Variants in ARHGEF18 observed in about 807,000 individuals in gnomAD.
ARHGEF18 encodes rho guanine nucleotide exchange factor 18.
A neutral mutation model predicts 155.7 loss-of-function variants in ARHGEF18; 93 were observed. The ratio of observed to expected loss-of-function variants is 0.60; its 90% confidence interval spans 0.50 to 0.71. The LOEUF (loss-of-function observed/expected upper bound fraction) is 0.71. Among genes scored for constraint, ARHGEF18 ranks in the 30% least tolerant of loss-of-function variants. The pLI, the probability that ARHGEF18 is intolerant of heterozygous loss-of-function variation, is 0.00. For synonymous variants in ARHGEF18, 742 were observed against 753.1 expected, an observed-to-expected ratio of 0.99 and a Z score of 0.24; for missense variants, 1,593 against 1,816.1, an observed-to-expected ratio of 0.88 and a Z score of 2.23.
At chr19:7,399,423 A>C (rs1220932855) in intron 10 of ARHGEF18, among the ~76,000 whole-genome samples, 1 of 151,936 alleles carries the variant, frequency 6.6e-6, no homozygotes, top group African/African-American at 2.4e-5. Context: ...CTGAGTATAG[A>C]GTTCTAGTCT....
chr19:7,407,545 C>G (rs1972391036), intron 10 of ARHGEF18, among the ~76,000 whole-genome samples: 1 of 152,068 alleles, frequency 6.6e-6, no homozygotes, highest in Non-Finnish European at 1.5e-5. Flanking sequence ...ATCCACTTTG[C>G]CACTCCTTTT....
intron 15 of ARHGEF18, among the ~76,000 whole-genome samples, chr19:7,448,480 T>A (rs1045588441): frequency 6.6e-6 from 1 of 152,058 alleles, no homozygotes; most frequent in Non-Finnish European, 1.5e-5. Flanking sequence ...GCTAACATGG[T>A]GAAACCTGGT....
chr19:7,368,141 T>C (rs1970027948), intron 2 of ARHGEF18, among the ~76,000 whole-genome samples: 2 of 151,860 alleles, frequency 1.3e-5, no homozygotes, highest in South Asian at 4.1e-4. Flanking sequence ...CATTATGCTT[T>C]GGTGTGTTAT....
intron 10 of ARHGEF18, among the ~76,000 whole-genome samples, chr19:7,403,082 C>T (rs534400322): frequency 2.6e-5 from 4 of 152,268 alleles, no homozygotes; most frequent in South Asian, 4.1e-4. Context: ...GGCGCGATCT[C>T]GGCTCACTGT....
rs1451862740 is a variant in ARHGEF18, at chr19:7,469,185, C to G, written c.3787+54C>G. The G allele has an allele frequency of 3.3e-6, 5 of 1,494,526 alleles. No homozygotes were observed. In the East Asian group the frequency reaches 9.8e-5, roughly 29 times the overall value. 92.6% of individuals were successfully genotyped at this position (1,494,526 alleles called of 1,614,324 possible). ...CCTGGAAGGTGCAACTGGTCAGGCT[C>G]TAGCGGCTCGCTGGGAGCCAGGAAA... On this transcript the variant is annotated intron_variant, in intron 27 of 28. Coordinates refer to ENST00000668164, the MANE Select transcript of ARHGEF18 (RefSeq NM_001367823.1).
rs7252672 is a variant in ARHGEF18 at position 7,446,766 on chromosome 19, G to A, written c.1612-277G>A. ...AAAAAAATTAGCCAGGCGTGGTGGC[G>A]GCACCTGTAATCCCAGCTACTTGGG... On this transcript the variant is annotated intron_variant, in intron 14 of 28. Transcript: ENST00000668164. Among the ~76,000 whole-genome samples the A allele has an allele frequency of 1.0e-3, 153 of 151,226 alleles. 1 individual carries two copies. Among genetic ancestry groups the A allele is most frequent in the African/African-American group, 3.1e-3 (129 of 41,154 alleles).
At position 7,468,882 on chromosome 19, in the gene ARHGEF18, G is replaced by A. The variant is rs531850239; in HGVS notation, c.3538G>A (p.Val1180Met). 4.5e-6 allele frequency: 7 copies of A among 1,572,962 alleles called. No homozygotes were observed. The East Asian group carries it at 7.1e-5, about 16-fold the overall frequency. Residue 1180 changes from valine to methionine, a missense_variant, in exon 27 of 29, where the codon GTG (valine) becomes ATG (methionine). By Grantham distance (21) the Val-to-Met change is conservative (BLOSUM62 1). Transcript: ENST00000668164. The part of the protein sequence containing the change: ...FNGEGLEGPR[V>M]SMLPSGVGPE... ...CGGGGAAGGGCTGGAGGGCCCTCGT[G>A]TGAGCATGCTGCCATCCGGCGTGGG... is the stretch of plus-strand genomic sequence containing the variant.
chr19:7,470,131 G>C lies in ARHGEF18; in HGVS notation c.3919G>C (p.Gly1307Arg). The C allele has an allele frequency of 6.2e-7, 1 of 1,612,188 alleles. No homozygotes were observed. The highest frequency in any genetic ancestry group is 2.2e-5 in the East Asian group (1 of 44,822). The change falls in exon 29 of 29, where the codon GGC becomes CGC. Residue 1307 changes from glycine to arginine, a missense_variant. Transcript: ENST00000668164. This position sits in a 1 kb window ranked among gnomAD's most constrained non-coding sequence, Gnocchi z 5.9. ...RHSPAPPPDPGFPAPSPPPAD... is the reference protein window; with the variant it reads ...RHSPAPPPDPRFPAPSPPPAD... ...GAACCCTCTCTCTGTTCCAGACCCT[G>C]GCTTCCCCGCCCCGAGCCCACCGCC...
At chr19:7,454,766 C>A (rs1975722242) in intron 17 of ARHGEF18, among the ~76,000 whole-genome samples, 1 of 152,154 alleles carries the variant, frequency 6.6e-6, no homozygotes, top group Non-Finnish European at 1.5e-5. Context: ...CCAATGGAAA[C>A]CCAGGGCATT....
intron 10 of ARHGEF18, among the ~76,000 whole-genome samples, chr19:7,404,424 C>T (rs900442575): frequency 2.0e-5 from 3 of 151,464 alleles, no homozygotes; most frequent in African/African-American, 4.8e-5. Flanking sequence ...AAAGCAAACC[C>T]GCTCTGTGAG....
chr19:7,370,244 C>T (rs1970139722), intron 2 of ARHGEF18, among the ~76,000 whole-genome samples: 6 of 151,846 alleles, frequency 4.0e-5, no homozygotes, highest in Admixed American at 3.9e-4. Context: ...GCCTGTAATC[C>T]CAGCACTTTG....
At chr19:7,437,336 C>T (rs953898998) in intron 10 of ARHGEF18, among the ~76,000 whole-genome samples, 12 of 134,086 alleles carry the variant, frequency 8.9e-5, no homozygotes, top group Non-Finnish European at 1.9e-4. Context: ...GCAGGAGAAT[C>T]GCTTGAACCT....
intron 10 of ARHGEF18, among the ~76,000 whole-genome samples, chr19:7,405,068 C>G (rs1460244663): frequency 1.3e-5 from 2 of 152,080 alleles, no homozygotes; most frequent in Non-Finnish European, 2.9e-5. Flanking sequence ...AGAGATTCTC[C>G]TGCCTCAGCC....
intron 10 of ARHGEF18, among the ~76,000 whole-genome samples, chr19:7,414,994 CAAAAT>C (rs1276927884): frequency 1.3e-5 from 2 of 151,948 alleles, no homozygotes; most frequent in Middle Eastern, 3.2e-3. Flanking sequence ...AATTCCATCT[CAAAAT>C]AAATAAGTAA....
At chr19:7,429,449 C>T (rs1973838835) in intron 10 of ARHGEF18, among the ~76,000 whole-genome samples, 2 of 151,848 alleles carry the variant, frequency 1.3e-5, no homozygotes, top group Admixed American at 1.3e-4. Flanking sequence ...CTAAAAATAC[C>T]AAAATTACCT....
At chr19:7,369,108 T>C (rs1053881213) in intron 2 of ARHGEF18, among the ~76,000 whole-genome samples, 1 of 151,700 alleles carries the variant, frequency 6.6e-6, no homozygotes. Context: ...GGCGGGTGAA[T>C]CATGAGGTCA....
chr19:7,382,650 A>T, intron 8 of ARHGEF18, 142 bp from the exon 9 acceptor site: 1 of 428,662 alleles, frequency 2.3e-6, no homozygotes, highest in Non-Finnish European at 3.9e-6. Context: ...GGGAAGGAGG[A>T]AGTCAAGGGC....
rs1976959770 is a variant in ARHGEF18, at chr19:7,470,479, A to G, written c.*181A>G. 1.4e-5 allele frequency: 7 copies of G among 499,592 alleles called. No individual in the cohort carries two copies. In the Admixed American group the frequency reaches 2.2e-4, roughly 16 times the overall value. The allele number at this position is 499,592 out of a possible 1,614,324, so 30.9% of individuals were successfully genotyped here. On this transcript the variant is annotated 3_prime_UTR_variant, in exon 29 of 29. Coordinates refer to ENST00000668164, the MANE Select transcript of ARHGEF18 (RefSeq NM_001367823.1). The surrounding 1 kb of genome is among the most constrained non-coding windows in gnomAD (Gnocchi z 5.9). ...CTCTGGGCCTTGCAGCTGTTTCTGT[A>G]GGGTTAGCGGTGGTGCCGGGGTCAC... is the stretch of plus-strand genomic sequence containing the variant.
chr19:7,383,979 G>A (rs753811072), intron 10 of ARHGEF18, among the ~76,000 whole-genome samples: 2 of 152,142 alleles, frequency 1.3e-5, no homozygotes, highest in Admixed American at 6.6e-5. Flanking sequence ...AGATGGCTCT[G>A]GTCATTGCCG....
Sources: gnomAD v4.1 joint callset for allele counts (sites outside exome capture counted in the v4.1 genomes callset) on GRCh38, gnomAD v4.1.1 for gene constraint, Gnocchi (gnomAD v3.1) non-coding constraint, MANE v1.5 for transcripts, NCBI Gene and HGNC (gene_info 2026-07-23, HGNC 2026-07-21) for gene names.